The following CCL4 variants were observed in gnomAD, a reference collection of about 807,000 sequenced individuals.
CCL4 encodes the protein C-C motif chemokine ligand 4, also known as C-C motif chemokine 4.
A neutral mutation model predicts 10.3 loss-of-function variants in CCL4; 8 were observed. The ratio of observed to expected loss-of-function variants is 0.77; its 90% CI spans 0.45 to 1.39. The LOEUF is 1.39. Ranked by LOEUF, CCL4 falls within the 40% of genes most tolerant of loss-of-function variation. The pLI, the probability that CCL4 is intolerant of heterozygous loss-of-function variation, is 0.00. For missense variants in CCL4, 106 were observed against 111.2 expected (o/e 0.95, Z 0.21); for synonymous variants, 35 against 44.3 (o/e 0.79, Z 0.83).
chr17:36,105,183 A>C lies in CCL4; in HGVS notation c.192-42A>C, dbSNP rs375709376. Reference sequence around the variant, plus strand: ...AAAGGATAAAGCCAGATGACCTCAAAGGTCTCATGAGATTCTAATCTGTCC... The same window carrying C: ...AAAGGATAAAGCCAGATGACCTCAACGGTCTCATGAGATTCTAATCTGTCC... On this transcript the variant is annotated intron_variant, in intron 2 of 2. Transcript: ENST00000615863. 23 of 1,580,954 alleles carry C rather than the reference A, an allele frequency of 1.5e-5. No individual in the cohort carries two copies. In the African/African-American group the frequency reaches 2.4e-4, roughly 17 times the overall value.
intron 1 of CCL4, chr17:36,104,304 G>T: frequency 1.4e-6 from 1 of 709,118 alleles, no homozygotes; most frequent in East Asian, 2.7e-5. Context: ...TGAAGGGAGT[G>T]CGATGTGTTC....
At chr17:36,104,932 T>C in intron 2 of CCL4, 1 of 702,638 alleles carries the variant, frequency 1.4e-6, no homozygotes. Context: ...CCTTAAACCG[T>C]GCTAGAAAGA....
chr17:36,104,955 T>C (rs2067148748), intron 2 of CCL4: 1 of 706,748 alleles, frequency 1.4e-6, no homozygotes, highest in African/African-American at 1.7e-5. Context: ...TGTGGAAAAG[T>C]CACTGCCAGG....
rs202017534 is a variant in CCL4 at position 36,105,225 on chromosome 17, A to T, written c.192A>T (p.Val64=). 2 of 1,613,474 alleles carry T rather than the reference A, an allele frequency of 1.2e-6. No homozygotes were observed. Among genetic ancestry groups the T allele is most frequent in the African/African-American group, 2.7e-5 (2 of 74,916 alleles). Residue 64 remains valine (V), a splice_region_variant and synonymous_variant, in exon 3 of 3, where the codon GTA becomes GTT. Transcript: ENST00000615863. ...AATCTGTCCGCTCCTTGTTCTACAG[A>T]TTCCAAACCAAAAGAAGCAAGCAAG... ...TSSLCSQPAV[V]FQTKRSKQVC... is the part of the protein sequence containing the mutation.
Position 36,105,583 on chromosome 17 carries a change from G to T in CCL4, c.*271G>T. ...ATGGATAACACATTTGATTCTGTGT[G>T]TTTTCATAATAAAACTTTAAAATAA... On this transcript the variant is annotated 3_prime_UTR_variant, in exon 3 of 3. Coordinates refer to ENST00000615863, the MANE Select transcript of CCL4 (RefSeq NM_002984.4). The T allele has an allele frequency of 1.8e-6, 1 of 541,366 alleles. No individual in the cohort carries two copies. The highest frequency in any genetic ancestry group is 3.3e-6 in the Non-Finnish European group (1 of 301,760). 33.5% of individuals were successfully genotyped at this position (541,366 alleles called of 1,614,324 possible). A position where few individuals can be genotyped will look rare whatever the true frequency, so the allele number is the denominator to read the frequency against.
chr17:36,105,147 G>A (rs557387157), intron 2 of CCL4, 78 bp from the exon 3 acceptor site: 1 of 1,437,592 alleles, frequency 7.0e-7, no homozygotes, highest in East Asian at 2.3e-5. Flanking sequence ...TGGTCAGGCA[G>A]AGGAAGATGC....
intron 2 of CCL4, chr17:36,105,007 C>G (rs1349812775): frequency 2.6e-5 from 19 of 720,832 alleles, no homozygotes; most frequent in Non-Finnish European, 4.6e-5. Context: ...GATTGCAATG[C>G]CCCTTGGTTC....
rs1049813 is a variant in CCL4, at chr17:36,105,374, A to G, written c.*62A>G. 6.0e-5 allele frequency: 91 copies of G among 1,518,514 alleles called. No homozygotes were observed. In the South Asian group the frequency reaches 1.0e-3, roughly 17 times the overall value. The allele number at this position is 1,518,514 out of a possible 1,614,324, so 94.1% of individuals were successfully genotyped here. A position where few individuals can be genotyped will look rare whatever the true frequency, so the allele number is the denominator to read the frequency against. The stretch of plus-strand genomic sequence containing the variant: ...CTGAGCCCGGATGCTTCTCCATGAG[A>G]CACATCTCCTCCATACTCAGGACTC... On this transcript the variant is annotated 3_prime_UTR_variant, in exon 3 of 3. Transcript: ENST00000615863.
At chr17:36,105,191 T>C (rs1167599502) in intron 2 of CCL4, 34 bp from the exon 3 acceptor site, 1 of 1,594,084 alleles carries the variant, frequency 6.3e-7, no homozygotes, top group Admixed American at 1.7e-5. Flanking sequence ...AAAGGTCTCA[T>C]GAGATTCTAA....
Position 36,105,564 on chromosome 17 carries a change from A to G in CCL4, c.*252A>G, listed in dbSNP as rs2067155771. 2 of 580,636 alleles carry G rather than the reference A, an allele frequency of 3.4e-6. No homozygotes were observed. The highest frequency in any genetic ancestry group is 6.2e-5 in the Admixed American group (2 of 32,386). 36.0% of individuals were successfully genotyped at this position (580,636 alleles called of 1,614,324 possible). Reference sequence around the variant, plus strand: ...TCTCTGCTGTTGCAAATACATGGATAACACATTTGATTCTGTGTGTTTTCA... The same window carrying G: ...TCTCTGCTGTTGCAAATACATGGATGACACATTTGATTCTGTGTGTTTTCA... On this transcript the variant is annotated 3_prime_UTR_variant, in exon 3 of 3. Coordinates refer to ENST00000615863, the MANE Select transcript of CCL4 (RefSeq NM_002984.4).
chr17:36,103,982 G>A lies in CCL4; in HGVS notation c.76+1G>A, dbSNP rs138567234. 1.4e-3 allele frequency: 2,237 copies of A among 1,613,930 alleles called. 25 individuals are homozygous for A. In the African/African-American group the frequency reaches 0.025, roughly 18 times the overall value. Reference sequence around the variant, plus strand: ...TGCTCTCCAGCGCTCTCAGCACCAAGTAAGTCTACTTTTGCAGCTGCTATT... The same window carrying A: ...TGCTCTCCAGCGCTCTCAGCACCAAATAAGTCTACTTTTGCAGCTGCTATT... On this transcript the variant is annotated splice_donor_variant, in intron 1 of 2. Transcript: ENST00000615863. LOFTEE classifies it high-confidence loss of function.
rs368788496 is a variant in CCL4, at chr17:36,103,957, T to C, written c.52T>C (p.Cys18Arg). ...LSLLMLVAAF[C>R]SPALSAPMGS... ...TCTCCTCATGCTAGTAGCTGCCTTCTGCTCTCCAGCGCTCTCAGCACCAAG... is the reference window on the plus strand; with the variant it reads ...TCTCCTCATGCTAGTAGCTGCCTTCCGCTCTCCAGCGCTCTCAGCACCAAG... The change falls in exon 1 of 3, where the codon TGC becomes CGC. Residue 18 changes from cysteine (C) to arginine (R), a missense_variant. Transcript: ENST00000615863. 19 of 1,613,890 alleles carry C rather than the reference T, an allele frequency of 1.2e-5. No individual in the cohort carries two copies. The African/African-American group carries it at 2.3e-4, about 19-fold the overall frequency.
At chr17:36,104,715 G>A in intron 2 of CCL4, 73 bp downstream of exon 2, 2 of 1,593,088 alleles carry the variant, frequency 1.3e-6, no homozygotes, top group Non-Finnish European at 1.7e-6. Context: ...CCTGTTTTGG[G>A]GAGGGGGTGA....
intron 1 of CCL4, 134 bp from the exon 2 acceptor site, chr17:36,104,394 G>A (rs2067142727): frequency 4.9e-6 from 5 of 1,028,780 alleles, no homozygotes. Flanking sequence ...TAAGACTCCT[G>A]CTCATGTTAG....
Position 36,104,705 on chromosome 17 carries a change from C to G in CCL4, c.191+63C>G, listed in dbSNP as rs1388454469. The G allele has an allele frequency of 1.9e-6, 3 of 1,603,220 alleles. No homozygotes were observed. In the African/African-American group the frequency reaches 4.0e-5, roughly 22 times the overall value. Reference sequence around the variant, plus strand: ...GTGAGGGCTGGATTTTAAAAGAGGGCCTGTTTTGGGGAGGGGGTGATTGAG... The same window carrying G: ...GTGAGGGCTGGATTTTAAAAGAGGGGCTGTTTTGGGGAGGGGGTGATTGAG... On this transcript the variant is annotated intron_variant, in intron 2 of 2. Coordinates refer to ENST00000615863, the MANE Select transcript of CCL4 (RefSeq NM_002984.4).
At chr17:36,104,721 G>T (rs2067146241) in intron 2 of CCL4, 79 bp downstream of exon 2, 6 of 1,579,726 alleles carry the variant, frequency 3.8e-6, no homozygotes, top group Middle Eastern at 1.7e-4. Flanking sequence ...TTGGGGAGGG[G>T]GTGATTGAGC....
chr17:36,105,271 T>A lies in CCL4; in HGVS notation c.238T>A (p.Ser80Thr), dbSNP rs1719152. Residue 80 changes from serine to threonine, a missense_variant, in exon 3 of 3, where the codon TCC (serine) becomes ACC (threonine). By Grantham distance (58) the Ser-to-Thr change is moderately conservative. Coordinates refer to ENST00000615863, the MANE Select transcript of CCL4 (RefSeq NM_002984.4). The part of the protein sequence containing the change: ...SKQVCADPSE[S>T]WVQEYVYDLE... The stretch of plus-strand genomic sequence containing the variant: ...GCAAGTCTGTGCTGATCCCAGTGAA[T>A]CCTGGGTCCAGGAGTACGTGTATGA... The A allele has an allele frequency of 0.22, 349,574 of 1,612,820 alleles. 39,409 individuals carry two copies. Among genetic ancestry groups the A allele is most frequent in the East Asian group, 0.25 (11,020 of 44,854 alleles).
Sources: allele counts gnomAD v4.1 joint callset, GRCh38; gene constraint gnomAD v4.1.1; transcripts MANE v1.5; gene names NCBI Gene and HGNC (gene_info 2026-07-23, HGNC 2026-07-21).